The following VIRMA variants were observed in gnomAD, a reference collection of about 807,000 sequenced individuals.
VIRMA encodes the protein vir like m6A methyltransferase associated, also known as protein virilizer homolog.
A neutral mutation model predicts 182.4 loss-of-function variants in VIRMA; 65 were observed. That is an observed-to-expected ratio of 0.36 (90% CI 0.29 to 0.44). VIRMA has a LOEUF of 0.44. VIRMA is among the 20% of genes least tolerant of loss of function. VIRMA has a pLI of 1.00. For missense variants in VIRMA, 1,752 were observed against 2,158.1 expected, an observed-to-expected ratio of 0.81 and a Z score of 3.73; for synonymous variants, 709 against 743.1, an observed-to-expected ratio of 0.95 and a Z score of 0.75.
At position 94,496,384 on chromosome 8, in the gene VIRMA, G is replaced by A. The variant is rs759925259; in HGVS notation, c.4327C>T (p.Gln1443Ter). ...INAAELKQLLQSKEESPENLF... is the reference protein window; with the variant it reads ...INAAELKQLL Reference sequence around the variant, plus strand: ...TTTTCTGGACTTTCTTCTTTGCTTTGTAGAAGCTGTTTTAACTCTGCAGCA... The same window carrying A: ...TTTTCTGGACTTTCTTCTTTGCTTTATAGAAGCTGTTTTAACTCTGCAGCA... The change falls in exon 18 of 24, where the codon CAA becomes TAA. Residue 1443 changes from glutamine (Q) to a stop codon, truncating the protein, a stop_gained. Transcript: ENST00000297591. LOFTEE classifies it high-confidence loss of function. 1 of 1,613,360 alleles carries A rather than the reference G, an allele frequency of 6.2e-7. No homozygotes were observed. The highest frequency in any genetic ancestry group is 8.5e-7 in the Non-Finnish European group (1 of 1,179,722).
intron 16 of VIRMA, among the ~76,000 whole-genome samples, chr8:94,503,055 C>T: frequency 6.6e-6 from 1 of 151,940 alleles, no homozygotes; most frequent in Non-Finnish European, 1.5e-5. Flanking sequence ...GAAGCAACAA[C>T]TCTTCCTTAT....
intron 23 of VIRMA, 43 bp from the exon 24 acceptor site, chr8:94,488,903 T>C (rs779025781): frequency 1.3e-6 from 2 of 1,587,214 alleles, no homozygotes; most frequent in East Asian, 4.5e-5. Context: ...ATGTCCTTTC[T>C]TTTCCAAGAT....
At chr8:94,545,197 A>G (rs1234361647) in intron 1 of VIRMA, among the ~76,000 whole-genome samples, 1 of 152,234 alleles carries the variant, frequency 6.6e-6, no homozygotes, top group Admixed American at 6.5e-5. Flanking sequence ...ACTTACATCT[A>G]TCATTTGACA....
chr8:94,546,462 A>T (rs1418960438), intron 1 of VIRMA, among the ~76,000 whole-genome samples: 1 of 151,094 alleles, frequency 6.6e-6, no homozygotes, highest in Non-Finnish European at 1.5e-5. Context: ...GCTCTCCTCC[A>T]TTCCGGCTGT....
chr8:94,489,919 C>G lies in VIRMA; in HGVS notation c.5284+20G>C. ...TTTACTTCCCTTCTCTCAGCAATAT[C>G]AAGTAGCAAGGATGTATACCTGTAG... On this transcript the variant is annotated intron_variant, in intron 23 of 23. Coordinates refer to ENST00000297591, the MANE Select transcript of VIRMA (RefSeq NM_015496.5). 1.9e-6 allele frequency: 3 copies of G among 1,607,634 alleles called. No individual in the cohort carries two copies. The highest frequency in any genetic ancestry group is 2.5e-6 in the Non-Finnish European group (3 of 1,177,660).
intron 1 of VIRMA, among the ~76,000 whole-genome samples, chr8:94,546,054 CAAA>C (rs202226902): frequency 8.1e-6 from 1 of 123,434 alleles, no homozygotes. Flanking sequence ...GAGACTCTGT[CAAA>C]AAAAAAAAAG....
intron 8 of VIRMA, among the ~76,000 whole-genome samples, chr8:94,523,651 G>A (rs28539788): frequency 0.04 from 6,076 of 151,940 alleles, 133 homozygotes; most frequent in Non-Finnish European, 0.05. Flanking sequence ...TTTTTGAGAC[G>A]GAGTTTCGCT....
At position 94,553,462 on chromosome 8, in the gene VIRMA, G is replaced by A; in HGVS notation, c.-15C>T. The A allele has an allele frequency of 1.2e-6, 2 of 1,613,614 alleles. No individual in the cohort carries two copies. Among genetic ancestry groups the A allele is most frequent in the Non-Finnish European group, 8.5e-7 (1 of 1,179,568 alleles). ...TCCACCGCCATGTTTGCCGCGGGCG[G>A]GGAACAGGGGGGAGGACTTCCGGGG... is the stretch of plus-strand genomic sequence containing the variant. On this transcript the variant is annotated 5_prime_UTR_variant, in exon 1 of 24. Coordinates refer to ENST00000297591, the MANE Select transcript of VIRMA (RefSeq NM_015496.5).
At chr8:94,498,054 C>T (rs1206706854) in intron 17 of VIRMA, 1 of 152,114 alleles carries the variant, frequency 6.6e-6, no homozygotes, top group Non-Finnish European at 1.5e-5. Context: ...CTCTTTCATC[C>T]AAGCTGAAAT....
chr8:94,493,315 T>C (rs10098682), intron 20 of VIRMA, among the ~76,000 whole-genome samples: 6,065 of 152,262 alleles, frequency 0.04, 130 homozygotes, highest in Middle Eastern at 0.051. Flanking sequence ...TTCAAATTTA[T>C]CAAATGTAAG....
At chr8:94,520,476 G>A (rs1171543711) in intron 8 of VIRMA, among the ~76,000 whole-genome samples, 1 of 151,994 alleles carries the variant, frequency 6.6e-6, no homozygotes, top group Non-Finnish European at 1.5e-5. Context: ...GCCTGGGCTA[G>A]GTGAAAGAGC....
intron 8 of VIRMA, 89 bp from the exon 9 acceptor site, chr8:94,519,565 T>C: frequency 1.5e-6 from 2 of 1,321,540 alleles, no homozygotes; most frequent in Non-Finnish European, 2.1e-6. Context: ...TAAAAATTTT[T>C]AATGACCATA....
Position 94,492,630 on chromosome 8 carries a change from T to C in VIRMA, c.4808+22A>G. 4 of 1,597,906 alleles carry C rather than the reference T, an allele frequency of 2.5e-6. No homozygotes were observed. The South Asian group carries it at 4.4e-5, about 18-fold the overall frequency. On this transcript the variant is annotated intron_variant, in intron 21 of 23. Transcript: ENST00000297591. Reference sequence around the variant, plus strand: ...TAAGCTTATGTGATGACATTTGAGATCTTCAGTGGAATAAATTTTACCTTG... The same window carrying C: ...TAAGCTTATGTGATGACATTTGAGACCTTCAGTGGAATAAATTTTACCTTG...
In VIRMA at chr8:94,510,431, T is replaced by C. The variant is rs771545167; in HGVS notation, c.3612A>G (p.Val1204=). 1.5e-5 allele frequency: 25 copies of C among 1,612,982 alleles called. No homozygotes were observed. In the Admixed American group the frequency reaches 2.8e-4, roughly 18 times the overall value. Residue 1204 remains valine (V), a synonymous_variant, in exon 14 of 24, where the codon GTA becomes GTG. Coordinates refer to ENST00000297591, the MANE Select transcript of VIRMA (RefSeq NM_015496.5). ...AATGAAAATACCTTTGCAAGTCTTC[T>C]ACAATCAAATCCAACACAGTTCTCA... ...LIMRTVLDLI[V]EDLQSTSEDK...
At chr8:94,490,155 T>C (rs1813563903) in intron 22 of VIRMA, 73 bp from the exon 23 acceptor site, 12 of 1,480,818 alleles carry the variant, frequency 8.1e-6, no homozygotes, top group Non-Finnish European at 1.0e-5. Flanking sequence ...GACAGATTTT[T>C]CTTAATCTTC....
In VIRMA at chr8:94,496,339, T is replaced by C. The variant is rs545261875; in HGVS notation, c.4372A>G (p.Lys1458Glu). 5 of 1,610,502 alleles carry C rather than the reference T, an allele frequency of 3.1e-6. No individual in the cohort carries two copies. The South Asian group carries it at 4.5e-5, about 14-fold the overall frequency. Residue 1458 changes from lysine to glutamate, a missense_variant, in exon 18 of 24, where the codon AAG (lysine) becomes GAG (glutamate). Transcript: ENST00000297591. ...SPENLFLELE[K>E]LVLEHSKDDD... ...TTTTTCTTTTTTACCAAAACAAGCT[T>C]CTCTAGTTCAAGGAACAAATTTTCT...
In VIRMA at chr8:94,510,710, C is replaced by T. The variant is rs973405242; in HGVS notation, c.3391-58G>A. ...ATTTTTTAATATTTATTTATAGTCA[C>T]AAAAACTGTTCAGGAAGAAATGTTA... On this transcript the variant is annotated intron_variant, in intron 13 of 23. Transcript: ENST00000297591. 7 of 1,251,644 alleles carry T rather than the reference C, an allele frequency of 5.6e-6. No individual in the cohort carries two copies. In the South Asian group the frequency reaches 7.8e-5, roughly 14 times the overall value. The allele number at this position is 1,251,644 out of a possible 1,614,324, so 77.5% of individuals were successfully genotyped here. A position where few individuals can be genotyped will look rare whatever the true frequency, so the allele number is the denominator to read the frequency against.
At chr8:94,540,063 A>G (rs1815486070) in intron 2 of VIRMA, among the ~76,000 whole-genome samples, 2 of 152,212 alleles carry the variant, frequency 1.3e-5, no homozygotes. Context: ...GTAACACAAA[A>G]TGGACAAAGA....
intron 14 of VIRMA, 99 bp downstream of exon 14, chr8:94,510,318 A>G: frequency 1.2e-6 from 1 of 816,460 alleles, no homozygotes; most frequent in East Asian, 2.7e-5. Context: ...TATATATGTT[A>G]TCTGGGCATT....
Sources: allele counts gnomAD v4.1 joint callset (sites outside exome capture counted in the v4.1 genomes callset), GRCh38; gene constraint gnomAD v4.1.1; transcripts MANE v1.5; gene names NCBI Gene and HGNC (gene_info 2026-07-23, HGNC 2026-07-21).